Variants in MAEA observed in about 807,000 individuals in gnomAD.
The protein encoded by MAEA is E3 ubiquitin-protein transferase MAEA.
Under a neutral mutation model 46.2 loss-of-function variants are expected in MAEA, and 22 were observed. That is an observed-to-expected ratio of 0.48 (90% CI 0.34 to 0.68). The LOEUF (loss-of-function observed/expected upper bound fraction) is 0.68, where lower values mean the gene tolerates loss of function less well. Among genes scored for constraint, MAEA ranks in the 30% least tolerant of loss-of-function variants. MAEA has a pLI of 0.01. For missense variants in MAEA, 393 were observed against 558.1 expected, an observed-to-expected ratio of 0.70 and a Z score of 2.98; for synonymous variants, 246 against 222.6, an observed-to-expected ratio of 1.11 and a Z score of -0.94.
Position 1,336,852 on chromosome 4 carries a change from G to A in MAEA, c.766-9G>A, listed in dbSNP as rs1165879459. On this transcript the variant is annotated splice_polypyrimidine_tract_variant and intron_variant, in intron 6 of 8. Transcript: ENST00000303400. ...GCATCCCCAGGACCCTCTGCTCTCT[G>A]TCTTCCAGGACCTTCTGGACCCTGC... 3.7e-6 allele frequency: 6 copies of A among 1,612,624 alleles called. No homozygotes were observed. The highest frequency in any genetic ancestry group is 1.7e-4 in the Middle Eastern group (1 of 6,044).
chr4:1,309,620 TG>T, intron 1 of MAEA: 1 of 1,523,322 alleles, frequency 6.6e-7, no homozygotes, highest in Non-Finnish European at 8.8e-7. Flanking sequence ...CGCAGAGGCG[TG>T]GGAGGCCTGA....
intron 1 of MAEA, among the ~76,000 whole-genome samples, chr4:1,292,619 G>C (rs934387343): frequency 6.6e-6 from 1 of 152,198 alleles, no homozygotes; most frequent in African/African-American, 2.4e-5. Flanking sequence ...CTGCCTGCCA[G>C]ATGCCAAGAG....
intron 1 of MAEA, among the ~76,000 whole-genome samples, chr4:1,291,692 A>C (rs950071729): frequency 2.0e-5 from 3 of 152,226 alleles, no homozygotes; most frequent in African/African-American, 7.2e-5. Context: ...AAAAGTTTCC[A>C]GAAATCCTTT....
intron 1 of MAEA, among the ~76,000 whole-genome samples, chr4:1,291,555 C>G (rs978556757): frequency 1.3e-5 from 2 of 152,180 alleles, no homozygotes; most frequent in African/African-American, 2.4e-5. Flanking sequence ...CCACTGACCA[C>G]TTTGTCTCAC....
intron 1 of MAEA, among the ~76,000 whole-genome samples, chr4:1,293,559 G>A (rs1734327286): frequency 6.6e-6 from 1 of 152,232 alleles, no homozygotes; most frequent in Non-Finnish European, 1.5e-5. Flanking sequence ...GCCCAGGGCG[G>A]GAAGTGGTGT....
At chr4:1,298,120 T>G (rs752920271) in intron 1 of MAEA, 31 of 455,426 alleles carry the variant, frequency 6.8e-5, no homozygotes, top group South Asian at 3.9e-4. Context: ...CCCCAGGTAC[T>G]GTTCCATATG....
In MAEA at chr4:1,315,445, C is replaced by T; in HGVS notation, c.301C>T (p.Arg101Cys). 1.9e-6 allele frequency: 3 copies of T among 1,613,878 alleles called. No individual in the cohort carries two copies. The highest frequency in any genetic ancestry group is 2.5e-6 in the Non-Finnish European group (3 of 1,180,024). The change falls in exon 3 of 9, where the codon CGC (arginine) becomes TGC (cysteine). Residue 101 changes from arginine to cysteine, a missense_variant. By Grantham distance (180) the Arg-to-Cys change is radical (BLOSUM62 -3). Coordinates refer to ENST00000303400, the MANE Select transcript of MAEA (RefSeq NM_001017405.3). ...AEDESAKLCK[R>C]RIEHLKEHSS... Reference sequence around the variant, plus strand: ...GGACGAGAGCGCCAAGCTGTGCAAGCGCCGGATCGAGCACCTCAAAGAGCA... The same window carrying T: ...GGACGAGAGCGCCAAGCTGTGCAAGTGCCGGATCGAGCACCTCAAAGAGCA...
rs28496408 is a variant in MAEA, at chr4:1,337,020, G to A, written c.899+26G>A. 6.8e-3 allele frequency: 10,978 copies of A among 1,610,920 alleles called. 664 individuals carry two copies. In the African/African-American group the frequency reaches 0.13, roughly 19 times the overall value. On this transcript the variant is annotated intron_variant, in intron 7 of 8. Transcript: ENST00000303400. ...GTATCCTACCTCCCGTGCGCAGTGC[G>A]GTTTGGCCTGGGGTTGGCATCTTTG...
chr4:1,311,922 G>A lies in MAEA; in HGVS notation c.70-57G>A. ...GAGACCTGGTGTGTCCTGGGTGTGG[G>A]GCTGGTGGGGCTCACACCAGGGGAG... On this transcript the variant is annotated intron_variant, in intron 1 of 8. Transcript: ENST00000303400. The surrounding 1 kb of genome is among the most constrained non-coding windows in gnomAD (Gnocchi z 4.4). 1.3e-6 allele frequency: 2 copies of A among 1,509,020 alleles called. No homozygotes were observed. The highest frequency in any genetic ancestry group is 1.8e-6 in the Non-Finnish European group (2 of 1,100,180). The allele number at this position is 1,509,020 out of a possible 1,614,324, so 93.5% of individuals were successfully genotyped here.
intron 1 of MAEA, among the ~76,000 whole-genome samples, chr4:1,302,120 G>GA (rs77260386): frequency 0.037 from 5,633 of 152,238 alleles, 231 homozygotes; most frequent in East Asian, 0.2. Flanking sequence ...AGAAAACTAA[G>GA]AAAATCTAAG....
At chr4:1,329,209 T>C in intron 5 of MAEA, 1 of 985,594 alleles carries the variant, frequency 1.0e-6, no homozygotes, top group Non-Finnish European at 1.2e-6. Flanking sequence ...TTACCCCCAC[T>C]CCGCATAGGG....
chr4:1,303,093 G>A (rs538336849), intron 1 of MAEA, among the ~76,000 whole-genome samples: 26 of 151,884 alleles, frequency 1.7e-4, no homozygotes, highest in African/African-American at 6.3e-4. Flanking sequence ...AAACTCTTAA[G>A]AATGTCATCC....
chr4:1,316,631 T>C (rs1737209840), intron 3 of MAEA, among the ~76,000 whole-genome samples: 1 of 152,036 alleles, frequency 6.6e-6, no homozygotes, highest in South Asian at 2.1e-4. Flanking sequence ...TCCCTGCTTC[T>C]GTCTAACCAG....
intron 7 of MAEA, 162 bp from the exon 8 acceptor site, chr4:1,338,260 C>T (rs1238712428): frequency 1.6e-5 from 9 of 567,890 alleles, no homozygotes; most frequent in African/African-American, 3.8e-5. Flanking sequence ...GTTTAGCTGT[C>T]GAGTGCAGCA....
chr4:1,318,121 A>G (rs1174085634), intron 3 of MAEA, among the ~76,000 whole-genome samples: 2 of 151,972 alleles, frequency 1.3e-5, no homozygotes, highest in East Asian at 1.9e-4. Context: ...GCTTCCCCCA[A>G]TGCACAGGCC....
intron 1 of MAEA, among the ~76,000 whole-genome samples, chr4:1,302,743 G>A (rs1735443515): frequency 6.6e-6 from 1 of 152,220 alleles, no homozygotes; most frequent in South Asian, 2.1e-4. Context: ...GCCTCCCAAA[G>A]TGCTGGGATT....
intron 1 of MAEA, among the ~76,000 whole-genome samples, chr4:1,299,313 A>T (rs1735085028): frequency 6.6e-6 from 1 of 152,128 alleles, no homozygotes; most frequent in Non-Finnish European, 1.5e-5. Flanking sequence ...GTTGGCCTTG[A>T]TGCCTCTGTT....
Position 1,336,953 on chromosome 4 carries a change from C to T in MAEA, c.858C>T (p.Phe286=). The T allele has an allele frequency of 6.2e-7, 1 of 1,614,098 alleles. No individual in the cohort carries two copies. Among genetic ancestry groups the T allele is most frequent in the South Asian group, 1.1e-5 (1 of 91,092 alleles). ...RLHQLGNNSV[F]TLTLQAGLSA... is the part of the protein sequence containing the mutation. ...ACCAGCTGGGAAACAATTCTGTGTT[C>T]ACCCTCACCCTGCAGGCTGGCCTCT... Residue 286 remains phenylalanine, a synonymous_variant, in exon 7 of 9, where the codon TTC becomes TTT. Coordinates refer to ENST00000303400, the MANE Select transcript of MAEA (RefSeq NM_001017405.3).
At chr4:1,315,268 T>A (rs1343257947) in intron 2 of MAEA, 129 bp from the exon 3 acceptor site, 3 of 863,782 alleles carry the variant, frequency 3.5e-6, no homozygotes, top group Non-Finnish European at 5.4e-6. Flanking sequence ...TAGAGCACGG[T>A]TTTTTTTCTG....
Sources: allele counts gnomAD v4.1 joint callset (sites outside exome capture counted in the v4.1 genomes callset), GRCh38; gene constraint gnomAD v4.1.1; non-coding constraint Gnocchi (gnomAD v3.1); transcripts MANE v1.5; gene names NCBI Gene and HGNC (gene_info 2026-07-23, HGNC 2026-07-21).